Variants in PTPRA observed in about 807,000 individuals in gnomAD.
PTPRA encodes the protein receptor-type tyrosine-protein phosphatase alpha.
PTPRA carries 25 observed loss-of-function variants against 104.8 expected under a neutral mutation model. That is an observed-to-expected ratio of 0.24 (90% CI 0.17 to 0.33). The LOEUF (loss-of-function observed/expected upper bound fraction) is 0.33, where lower values mean the gene tolerates loss of function less well. Among genes scored for constraint, PTPRA ranks in the 10% least tolerant of loss-of-function variants. The pLI, the probability that PTPRA is intolerant of heterozygous loss-of-function variation, is 1.00. For synonymous variants in PTPRA, 323 were observed against 368.9 expected, an observed-to-expected ratio of 0.88 and a Z score of 1.43; for missense variants, 765 against 1,015.3, an observed-to-expected ratio of 0.75 and a Z score of 3.35.
At chr20:2,991,244 A>G (rs2063160190) in intron 9 of PTPRA, among the ~76,000 whole-genome samples, 1 of 152,056 alleles carries the variant, frequency 6.6e-6, no homozygotes, top group Non-Finnish European at 1.5e-5. Flanking sequence ...CTGTAATCCC[A>G]GCTACTTGGA....
chr20:2,890,731 G>A (rs775929718), intron 1 of PTPRA, among the ~76,000 whole-genome samples: 6 of 152,166 alleles, frequency 3.9e-5, no homozygotes, highest in Non-Finnish European at 8.8e-5. Flanking sequence ...CCTGAGTTAT[G>A]TGACACATTC....
chr20:3,017,986 T>C, intron 13 of PTPRA, 73 bp downstream of exon 13: 1 of 1,315,508 alleles, frequency 7.6e-7, no homozygotes, highest in Non-Finnish European at 1.1e-6. Context: ...AGCCTGGCTG[T>C]CTATCCTTTG....
rs961935264 is a variant in PTPRA, at chr20:2,883,687, T to G, written c.-129+9927T>G. 4.1e-5 allele frequency among the ~76,000 whole-genome samples: 6 copies of G among 146,022 alleles called. 1 individual carries two copies. Among genetic ancestry groups the G allele is most frequent in the Non-Finnish European group, 6.1e-5 (4 of 65,506 alleles). The stretch of plus-strand genomic sequence containing the variant: ...AAAAAAAAAAAAAAAAAGAAAGAAA[T>G]GTGCAATGGTAGAGCGTTTTCCTCG... On this transcript the variant is annotated intron_variant, in intron 1 of 23. Transcript: ENST00000399903.
intron 20 of PTPRA, 24 bp downstream of exon 20, chr20:3,027,865 G>A (rs1322180020): frequency 3.1e-6 from 5 of 1,611,628 alleles, no homozygotes; most frequent in Non-Finnish European, 3.4e-6. Flanking sequence ...GTCCTGGGTG[G>A]TGAGAGACAG....
the PTPRA span, among the ~76,000 whole-genome samples, chr20:2,868,042 C>A: frequency 6.6e-6 from 1 of 152,144 alleles, no homozygotes; most frequent in Non-Finnish European, 1.5e-5. Context: ...TAGCTAGGGG[C>A]TGAAATCATG....
chr20:2,878,251 C>T (rs569886704), intron 1 of PTPRA, among the ~76,000 whole-genome samples: 1 of 152,248 alleles, frequency 6.6e-6, no homozygotes, highest in African/African-American at 2.4e-5. Context: ...TCTCACTCTG[C>T]CACCCTGGCT....
At chr20:3,032,576 G>A (rs12053619) in intron 20 of PTPRA, among the ~76,000 whole-genome samples, 3,681 of 150,808 alleles carry the variant, frequency 0.024, 87 homozygotes, top group East Asian at 0.073. Flanking sequence ...GACCAGCCTG[G>A]CCAACATGGC....
intron 1 of PTPRA, among the ~76,000 whole-genome samples, chr20:2,907,996 A>G (rs1017387456): frequency 6.6e-6 from 1 of 152,130 alleles, no homozygotes; most frequent in African/African-American, 2.4e-5. Flanking sequence ...ACTCTTAAAC[A>G]AGTTTATTTT....
chr20:2,982,437 T>G (rs1231835019), intron 6 of PTPRA, among the ~76,000 whole-genome samples: 1 of 152,196 alleles, frequency 6.6e-6, no homozygotes, highest in Non-Finnish European at 1.5e-5. Context: ...TAGTGATAAA[T>G]TACTATTTTT....
In PTPRA at chr20:3,029,540, C is replaced by CTTTTTTTTCTTTTTTT. The variant is rs2065322888; in HGVS notation, c.1920+1707_1920+1708insCTTTTTTTTTTTTTTT. Among the ~76,000 whole-genome samples the CTTTTTTTTCTTTTTTT allele has an allele frequency of 2.6e-5, 2 of 78,084 alleles. 1 individual carries two copies. The highest frequency in any genetic ancestry group is 1.0e-3 in the East Asian group (2 of 2,002). The allele number at this position is 78,084 out of a possible 152,430, so 51.2% of individuals were successfully genotyped here. On this transcript the variant is annotated intron_variant, in intron 20 of 23. Transcript: ENST00000399903. ...GACATACTTTGTAGGTCTTCATCAT[C>CTTTTTTTTCTTTTTTT]TTTTTTTTTTTTTTTTTTGAGACGG...
intron 1 of PTPRA, among the ~76,000 whole-genome samples, chr20:2,919,255 G>C (rs2060016923): frequency 6.6e-6 from 1 of 152,084 alleles, no homozygotes; most frequent in Non-Finnish European, 1.5e-5. Context: ...AAGAAATGTG[G>C]GCCATGTCTG....
intron 16 of PTPRA, among the ~76,000 whole-genome samples, 192 bp from the exon 17 acceptor site, chr20:3,024,280 T>G (rs1024353699): frequency 6.6e-6 from 1 of 152,016 alleles, no homozygotes; most frequent in African/African-American, 2.4e-5. Flanking sequence ...TCTTCCCAAG[T>G]AAAGCACCCC....
intron 3 of PTPRA, among the ~76,000 whole-genome samples, chr20:2,956,359 C>T (rs1270935675): frequency 1.3e-5 from 2 of 152,144 alleles, no homozygotes; most frequent in Non-Finnish European, 2.9e-5. Flanking sequence ...TGATCGCTGC[C>T]TCCTCGAGCC....
At chr20:3,018,790 A>G (rs2064620427) in intron 13 of PTPRA, among the ~76,000 whole-genome samples, 1 of 136,090 alleles carries the variant, frequency 7.3e-6, no homozygotes. Context: ...CTCACTTCCC[A>G]GTAGGGGCGG....
chr20:2,902,339 C>A (rs933021008), intron 1 of PTPRA, among the ~76,000 whole-genome samples: 2 of 152,178 alleles, frequency 1.3e-5, no homozygotes, highest in Non-Finnish European at 2.9e-5. Flanking sequence ...CAACACAAAT[C>A]AAATTATTCT....
intron 2 of PTPRA, among the ~76,000 whole-genome samples, chr20:2,926,918 G>A (rs1309003560): frequency 6.6e-6 from 1 of 151,438 alleles, no homozygotes; most frequent in Non-Finnish European, 1.5e-5. Flanking sequence ...AGCCTCCCAA[G>A]TAGCTGGGAT....
chr20:2,911,737 A>G (rs1260790939), intron 1 of PTPRA, among the ~76,000 whole-genome samples: 1 of 152,182 alleles, frequency 6.6e-6, no homozygotes, highest in Admixed American at 6.6e-5. Context: ...GAAAGTGACT[A>G]TGGGATCTAA....
chr20:2,912,120 G>A (rs2059745936), intron 1 of PTPRA, among the ~76,000 whole-genome samples: 1 of 151,960 alleles, frequency 6.6e-6, no homozygotes, highest in South Asian at 2.1e-4. Flanking sequence ...AGAGGCACAT[G>A]TCTGTATTCC....
chr20:2,884,556 C>T (rs976474684), intron 1 of PTPRA, among the ~76,000 whole-genome samples: 3 of 151,976 alleles, frequency 2.0e-5, no homozygotes, highest in African/African-American at 7.3e-5. Context: ...TGCTGTTGGC[C>T]GTTTATGTAT....
Sources: gnomAD v4.1 joint callset for allele counts (sites outside exome capture counted in the v4.1 genomes callset) on GRCh38, gnomAD v4.1.1 for gene constraint, MANE v1.5 for transcripts, NCBI Gene and HGNC (gene_info 2026-07-23, HGNC 2026-07-21) for gene names.